ARFGEF2: variants seen among roughly 807,000 people sequenced by gnomAD.
ARFGEF2 encodes the protein ARF guanine nucleotide exchange factor 2.
In ARFGEF2, 74 loss-of-function variants were observed where a neutral mutation model predicts 219.9. The ratio of observed to expected loss-of-function variants is 0.34; its 90% CI spans 0.28 to 0.41. ARFGEF2 has a LOEUF of 0.41. Ranked by LOEUF, ARFGEF2 falls within the 10% of genes least tolerant of loss-of-function variation. ARFGEF2 has a pLI of 1.00. For synonymous variants in ARFGEF2, 733 were observed against 799.2 expected (o/e 0.92, Z 1.40); for missense variants, 1,743 against 2,218.3 (o/e 0.79, Z 4.30).
At chr20:48,957,303 A>G (rs2091111810) in intron 6 of ARFGEF2, among the ~76,000 whole-genome samples, 1 of 152,228 alleles carries the variant, frequency 6.6e-6, no homozygotes, top group Admixed American at 6.5e-5. Flanking sequence ...TGAGAAATGT[A>G]GGCACATTCC....
intron 6 of ARFGEF2, among the ~76,000 whole-genome samples, chr20:48,962,500 A>T (rs1232344186): frequency 1.3e-5 from 2 of 152,158 alleles, no homozygotes; most frequent in Non-Finnish European, 2.9e-5. Flanking sequence ...ATAATATATA[A>T]TATTATAGTG....
At chr20:49,026,083 C>T (rs2091600305) in intron 36 of ARFGEF2, among the ~76,000 whole-genome samples, 1 of 151,956 alleles carries the variant, frequency 6.6e-6, no homozygotes, top group South Asian at 2.1e-4. Flanking sequence ...GCCTGTAATC[C>T]CAGCACTCTG....
At chr20:49,012,196 T>G in intron 28 of ARFGEF2, 112 bp downstream of exon 28, 1 of 1,411,806 alleles carries the variant, frequency 7.1e-7, no homozygotes, top group Non-Finnish European at 9.9e-7. Flanking sequence ...AATGTGTGTT[T>G]GCCCTAAATT....
intron 14 of ARFGEF2, among the ~76,000 whole-genome samples, chr20:48,983,807 C>T (rs1455162162): frequency 2.0e-5 from 3 of 152,182 alleles, no homozygotes; most frequent in African/African-American, 7.2e-5. Flanking sequence ...CTATTTGTAT[C>T]TTTCATGACG....
At chr20:48,938,969 TTTTTTTGTTTG>T (rs1187260350) in intron 1 of ARFGEF2, among the ~76,000 whole-genome samples, 1 of 149,616 alleles carries the variant, frequency 6.7e-6, no homozygotes, top group Non-Finnish European at 1.5e-5. Context: ...TTTTATGGGT[TTTTTTTGTTTG>T]TTTTTTTTTT....
chr20:48,979,424 G>A (rs6019567), intron 14 of ARFGEF2, among the ~76,000 whole-genome samples: 52,295 of 152,052 alleles, frequency 0.34, 9,963 homozygotes, highest in African/African-American at 0.52. Context: ...AGGGATATTC[G>A]TCTAAAATTC....
intron 34 of ARFGEF2, among the ~76,000 whole-genome samples, chr20:49,021,801 C>T (rs564045501): frequency 4.0e-5 from 6 of 149,056 alleles, no homozygotes; most frequent in Admixed American, 2.7e-4. Flanking sequence ...GCAAAGATCA[C>T]GCCACTGCAC....
rs1355965087 is a variant in ARFGEF2 at position 48,978,881 on chromosome 20, G to A, written c.1958+2682G>A. Among the ~76,000 whole-genome samples, 4 of 152,134 alleles carry A rather than the reference G, an allele frequency of 2.6e-5. No homozygotes were observed. In the East Asian group the frequency reaches 5.8e-4, roughly 22 times the overall value. On this transcript the variant is annotated intron_variant, in intron 14 of 38. Transcript: ENST00000371917. ...GCTTAAGGAGATTTTGGGCTGAGACGATGGGGTTTTCTAAACATACAATCA... is the reference window on the plus strand; with the variant it reads ...GCTTAAGGAGATTTTGGGCTGAGACAATGGGGTTTTCTAAACATACAATCA...
intron 10 of ARFGEF2, among the ~76,000 whole-genome samples, chr20:48,971,919 C>A (rs953896535): frequency 1.3e-5 from 2 of 152,102 alleles, no homozygotes; most frequent in African/African-American, 4.8e-5. Context: ...AAAGTTACTG[C>A]CCCCGGATCT....
At chr20:48,952,481 A>AT (rs991762888) in intron 4 of ARFGEF2, among the ~76,000 whole-genome samples, 43 of 152,334 alleles carry the variant, frequency 2.8e-4, no homozygotes, top group African/African-American at 9.9e-4. Context: ...GTTTCGAGTG[A>AT]TTTGGATTTC....
intron 1 of ARFGEF2, among the ~76,000 whole-genome samples, chr20:48,930,612 C>A (rs1162815488): frequency 1.3e-5 from 2 of 152,270 alleles, no homozygotes; most frequent in Admixed American, 6.5e-5. Context: ...AAGAGGACTA[C>A]ATGGAGTGGT....
intron 1 of ARFGEF2, among the ~76,000 whole-genome samples, chr20:48,923,615 C>T (rs2090857515): frequency 1.3e-5 from 2 of 152,260 alleles, no homozygotes. Flanking sequence ...GGGATAAGCA[C>T]TGCAAAGCAG....
Position 49,034,880 on chromosome 20 carries a change from G to GA in ARFGEF2, c.*1687dup, listed in dbSNP as rs2091657206. 1 of 152,026 alleles carries GA rather than the reference G, an allele frequency of 6.6e-6. No individual in the cohort carries two copies. The highest frequency in any genetic ancestry group is 1.5e-5 in the Non-Finnish European group (1 of 67,988). The allele number at this position is 152,026 out of a possible 1,614,324, so 9.4% of individuals were successfully genotyped here. ...AGTGTTTTTTAATTTCTCTACCAAA[G>GA]AAAAAATGAGCAGGTTTAGGTTTTT... On this transcript the variant is annotated 3_prime_UTR_variant, in exon 39 of 39. Transcript: ENST00000371917.
intron 1 of ARFGEF2, among the ~76,000 whole-genome samples, chr20:48,923,519 T>A (rs993334258): frequency 1.3e-5 from 2 of 152,168 alleles, no homozygotes; most frequent in Non-Finnish European, 2.9e-5. Context: ...AAATTCAGGA[T>A]CAGTGGAAGG....
chr20:48,997,265 TATTGATTGATTG>T (rs11471982), intron 23 of ARFGEF2, among the ~76,000 whole-genome samples: 4 of 150,830 alleles, frequency 2.7e-5, no homozygotes, highest in Non-Finnish European at 4.4e-5. Context: ...ATATCTTATG[TATTGATTGATTG>T]ATTGATTGAT....
chr20:48,991,359 C>T (rs553334995), intron 21 of ARFGEF2, among the ~76,000 whole-genome samples, 161 bp downstream of exon 21: 22 of 152,050 alleles, frequency 1.4e-4, no homozygotes, highest in Non-Finnish European at 2.2e-4. Flanking sequence ...AAGGCGGGGG[C>T]GAGTTCAGGC....
At chr20:48,995,080 AT>A (rs2091378250) in intron 22 of ARFGEF2, among the ~76,000 whole-genome samples, 1 of 152,188 alleles carries the variant, frequency 6.6e-6, no homozygotes, top group Admixed American at 6.5e-5. Context: ...GGGCAAACAG[AT>A]GTGCCAAGTC....
At chr20:49,022,993 A>G (rs1282473262) in intron 34 of ARFGEF2, 58 bp from the exon 35 acceptor site, 159 of 1,608,762 alleles carry the variant, frequency 9.9e-5, no homozygotes, top group Non-Finnish European at 1.3e-4. Context: ...AGCTCAGTGG[A>G]TATTTCTTCA....
At chr20:48,970,181 A>T (rs1478978565) in intron 9 of ARFGEF2, among the ~76,000 whole-genome samples, 1 of 152,086 alleles carries the variant, frequency 6.6e-6, no homozygotes, top group African/African-American at 2.4e-5. Context: ...TGGGTATGCT[A>T]GTACATGCCT....
Sources: allele counts gnomAD v4.1 joint callset (sites outside exome capture counted in the v4.1 genomes callset), GRCh38; gene constraint gnomAD v4.1.1; transcripts MANE v1.5; gene names NCBI Gene and HGNC (gene_info 2026-07-23, HGNC 2026-07-21).